The following TCERG1L variants were observed in gnomAD, a reference collection of about 807,000 sequenced individuals.
TCERG1L encodes transcription elongation regulator 1-like protein.
In TCERG1L, 37 loss-of-function variants were observed where a neutral mutation model predicts 56.3. The observed-to-expected ratio is 0.66, with a 90% CI of 0.51 to 0.87. TCERG1L has a LOEUF of 0.87. Ranked by LOEUF, TCERG1L falls within the 40% of genes least tolerant of loss-of-function variation. The pLI, the probability that TCERG1L is intolerant of heterozygous loss-of-function variation, is 0.00. For missense variants in TCERG1L, 799 were observed against 774.2 expected (o/e 1.03, Z -0.38); for synonymous variants, 324 against 326.3 (o/e 0.99, Z 0.08).
chr10:131,310,950 C>T (rs1370159951), intron 1 of TCERG1L, among the ~76,000 whole-genome samples: 1 of 152,218 alleles, frequency 6.6e-6, no homozygotes, highest in Non-Finnish European at 1.5e-5. Flanking sequence ...AGCCACGGCC[C>T]GCGGCGGTCA....
At chr10:131,095,458 C>G (rs1343334603) in intron 11 of TCERG1L, 1 of 152,216 alleles carries the variant, frequency 6.6e-6, no homozygotes, top group Non-Finnish European at 1.5e-5. Context: ...TACACAGCCT[C>G]AGGAGGCTGC....
intron 3 of TCERG1L, among the ~76,000 whole-genome samples, chr10:131,289,008 G>A (rs1846577565): frequency 6.6e-6 from 1 of 152,212 alleles, no homozygotes; most frequent in Non-Finnish European, 1.5e-5. Context: ...AATCCACTAT[G>A]CATTCCCAAA....
At chr10:131,283,800 T>C (rs964256385) in intron 3 of TCERG1L, among the ~76,000 whole-genome samples, 4 of 152,206 alleles carry the variant, frequency 2.6e-5, no homozygotes, top group African/African-American at 9.6e-5. Context: ...GCTAAAGAGA[T>C]TGCTTAGAAT....
chr10:131,263,548 G>A (rs934868241), intron 3 of TCERG1L, among the ~76,000 whole-genome samples: 1 of 152,114 alleles, frequency 6.6e-6, no homozygotes, highest in African/African-American at 2.4e-5. Flanking sequence ...GTCCCACTAT[G>A]AACCACAGCC....
At chr10:131,307,962 A>T (rs1846832967) in intron 3 of TCERG1L, among the ~76,000 whole-genome samples, 1 of 152,112 alleles carries the variant, frequency 6.6e-6, no homozygotes, top group Admixed American at 6.5e-5. Flanking sequence ...CTGCAAATAC[A>T]ATTCTGTGAA....
intron 9 of TCERG1L, among the ~76,000 whole-genome samples, chr10:131,110,429 A>AG (rs986193693): frequency 6.6e-6 from 1 of 152,166 alleles, no homozygotes; most frequent in Non-Finnish European, 1.5e-5. Flanking sequence ...CCCAGCATTA[A>AG]GGGGGCAGCT....
intron 7 of TCERG1L, among the ~76,000 whole-genome samples, chr10:131,136,559 G>C (rs990760589): frequency 2.0e-5 from 3 of 152,036 alleles, no homozygotes; most frequent in Non-Finnish European, 4.4e-5. Flanking sequence ...ACAGTGGTGC[G>C]ATCTCGGCTC....
At chr10:131,144,963 C>A (rs1339466500) in intron 7 of TCERG1L, among the ~76,000 whole-genome samples, 1 of 152,172 alleles carries the variant, frequency 6.6e-6, no homozygotes, top group African/African-American at 2.4e-5. Flanking sequence ...TCTTTTCAGA[C>A]CTGACCTGAT....
Position 131,112,517 on chromosome 10 carries a change from G to A in TCERG1L, c.1395+4282C>T, listed in dbSNP as rs974349569. ...CCCTTTCAACCTGCCCCACTCTGCG[G>A]CCCTCTTCTCCTGGCCTCTGGACTT... is the stretch of plus-strand genomic sequence containing the variant. On this transcript the variant is annotated intron_variant, in intron 9 of 11. Coordinates refer to ENST00000368642, the MANE Select transcript of TCERG1L (RefSeq NM_174937.4). Among the ~76,000 whole-genome samples, 4 of 142,354 alleles carry A rather than the reference G, an allele frequency of 2.8e-5. 1 individual carries two copies. In the South Asian group the frequency reaches 7.8e-4, roughly 28 times the overall value. 93.4% of individuals were successfully genotyped at this position (142,354 alleles called of 152,430 possible). A position where few individuals can be genotyped will look rare whatever the true frequency, so the allele number is the denominator to read the frequency against.
intron 7 of TCERG1L, among the ~76,000 whole-genome samples, chr10:131,137,807 A>C (rs1439232594): frequency 1.3e-5 from 2 of 152,222 alleles, no homozygotes; most frequent in Non-Finnish European, 2.9e-5. Context: ...AATTTAACAG[A>C]CTTAGAGAAT....
intron 4 of TCERG1L, among the ~76,000 whole-genome samples, chr10:131,221,783 C>T (rs57707664): frequency 0.011 from 1,736 of 152,290 alleles, 29 homozygotes; most frequent in African/African-American, 0.04. Flanking sequence ...TGCTTTTCTG[C>T]AGTGTGAAAA....
chr10:131,093,744 C>T (rs569020532), intron 11 of TCERG1L, among the ~76,000 whole-genome samples: 1 of 152,298 alleles, frequency 6.6e-6, no homozygotes, highest in East Asian at 1.9e-4. Context: ...TGTTTCTTCC[C>T]CCAGTTAGAG....
chr10:131,164,126 T>TAAAAAAAAA (rs11327805), intron 5 of TCERG1L: 1 of 93,300 alleles, frequency 1.1e-5, no homozygotes, highest in Non-Finnish European at 2.1e-5. Context: ...GACTCTGTCT[T>TAAAAAAAAA]AAAAAAAAAA....
At chr10:131,256,767 G>A (rs570402639) in intron 4 of TCERG1L, among the ~76,000 whole-genome samples, 36 of 151,442 alleles carry the variant, frequency 2.4e-4, no homozygotes, top group African/African-American at 4.1e-4. Flanking sequence ...ACCTGTAATC[G>A]TAGCTACAGG....
At chr10:131,157,942 C>T (rs11814164) in intron 6 of TCERG1L, among the ~76,000 whole-genome samples, 1,531 of 152,344 alleles carry the variant, frequency 0.01, 27 homozygotes, top group African/African-American at 0.035. Context: ...TTACACTGGC[C>T]CAGGCCATTA....
intron 5 of TCERG1L, among the ~76,000 whole-genome samples, chr10:131,163,416 T>C (rs1264259822): frequency 6.6e-6 from 1 of 152,186 alleles, no homozygotes; most frequent in Non-Finnish European, 1.5e-5. Context: ...TAGAATCACC[T>C]GGACAAAGGC....
At chr10:131,231,067 G>A (rs1845845890) in intron 4 of TCERG1L, among the ~76,000 whole-genome samples, 1 of 150,792 alleles carries the variant, frequency 6.6e-6, no homozygotes, top group Admixed American at 6.6e-5. Flanking sequence ...TTAGTATGAG[G>A]ACCTGGAGGG....
chr10:131,163,058 T>G (rs1307396234), intron 6 of TCERG1L, 64 bp downstream of exon 6: 7 of 1,295,894 alleles, frequency 5.4e-6, no homozygotes, highest in Non-Finnish European at 7.3e-6. Flanking sequence ...TTTGGTGACA[T>G]CAGGCAAATG....
chr10:131,193,635 A>C (rs1019993946), intron 4 of TCERG1L, among the ~76,000 whole-genome samples: 47 of 152,302 alleles, frequency 3.1e-4, no homozygotes, highest in African/African-American at 1.0e-3. Context: ...GTTTCATCAG[A>C]GATCAGTTGG....
Sources: gnomAD v4.1 joint callset for allele counts (sites outside exome capture counted in the v4.1 genomes callset) on GRCh38, gnomAD v4.1.1 for gene constraint, MANE v1.5 for transcripts, NCBI Gene and HGNC (gene_info 2026-07-23, HGNC 2026-07-21) for gene names.